ANLN: variants seen among roughly 807,000 people sequenced by gnomAD.
The protein encoded by ANLN is anillin, actin binding protein.
A neutral mutation model predicts 135.1 loss-of-function variants in ANLN; 59 were observed. The observed-to-expected ratio is 0.44, with a 90% confidence interval of 0.35 to 0.54. The LOEUF (loss-of-function observed/expected upper bound fraction) is 0.54. ANLN is among the 20% of genes least tolerant of loss of function. ANLN has a pLI of 0.00. For synonymous variants in ANLN, 406 were observed against 456.4 expected (o/e 0.89, Z 1.41); for missense variants, 1,182 against 1,340.0 (o/e 0.88, Z 1.84).
rs1787779587 is a variant in ANLN, at chr7:36,419,422, C to G, written c.1812C>G (p.Ile604Met). 1 of 1,614,146 alleles carries G rather than the reference C, an allele frequency of 6.2e-7. No individual in the cohort carries two copies. Residue 604 changes from isoleucine to methionine, a missense_variant, in exon 10 of 24, where the codon ATC becomes ATG. Physicochemically the swap from Ile to Met is conservative, Grantham distance 10. Around this residue, in one of 3 missense-constraint regions of ANLN, gnomAD observed 1,022 missense variants for 1,134.0 expected, o/e 0.90. Transcript: ENST00000265748. Reference protein sequence around the residue: ...SSEEQEDALNISSMSLLAPLA... With the variant: ...SSEEQEDALNMSSMSLLAPLA... ...AAGAACAGGAAGATGCACTGAATAT[C>G]TCCTCAATGTCTTTACTTGCACCAT... is the stretch of plus-strand genomic sequence containing the variant.
At chr7:36,414,559 A>G (rs1027032201) in intron 7 of ANLN, among the ~76,000 whole-genome samples, 1 of 152,140 alleles carries the variant, frequency 6.6e-6, no homozygotes, top group Non-Finnish European at 1.5e-5. Context: ...GGAAGGTGAC[A>G]GGGGAAATAC....
In ANLN at chr7:36,443,858, G is replaced by A. The variant is rs544165747; in HGVS notation, c.3074G>A (p.Arg1025His). The A allele has an allele frequency of 1.3e-5, 21 of 1,599,254 alleles. No homozygotes were observed. The highest frequency in any genetic ancestry group is 5.1e-5 in the Admixed American group (3 of 58,910). Reference sequence around the variant, plus strand: ...TGGACTTATCCAGATGATGAGAAACGCAAGGTAATTTATATAGTACTGTTT... The same window carrying A: ...TGGACTTATCCAGATGATGAGAAACACAAGGTAATTTATATAGTACTGTTT... The part of the protein sequence containing the change: ...SYWTYPDDEK[R>H]KNPIGRINLA... Residue 1025 changes from arginine (R) to histidine (H), a missense_variant, in exon 22 of 24, where the codon CGC (arginine) becomes CAC (histidine). Around this residue, in one of 3 missense-constraint regions of ANLN, gnomAD observed 82 missense variants for 133.3 expected, o/e 0.62. Coordinates refer to ENST00000265748, the MANE Select transcript of ANLN (RefSeq NM_018685.5).
chr7:36,422,341 A>T (rs1355821764), intron 13 of ANLN, among the ~76,000 whole-genome samples: 1 of 151,652 alleles, frequency 6.6e-6, no homozygotes, highest in Non-Finnish European at 1.5e-5. Context: ...AGCTAAAACA[A>T]CTTCTGTGAA....
rs1788101327 is a variant in ANLN at position 36,426,901 on chromosome 7, C to T, written c.2771-15C>T. 1 of 1,531,670 alleles carries T rather than the reference C, an allele frequency of 6.5e-7. No homozygotes were observed. Among genetic ancestry groups the T allele is most frequent in the Non-Finnish European group, 8.8e-7 (1 of 1,130,446 alleles). 94.9% of individuals were successfully genotyped at this position (1,531,670 alleles called of 1,614,324 possible). On this transcript the variant is annotated splice_polypyrimidine_tract_variant and intron_variant, in intron 19 of 23. Coordinates refer to ENST00000265748, the MANE Select transcript of ANLN (RefSeq NM_018685.5). ...AGTCATTCTGAACTAAACTTAATTT[C>T]CTCGTTCTTCACAGTCATGGCCAGT... is the stretch of plus-strand genomic sequence containing the variant.
intron 13 of ANLN, 28 bp downstream of exon 13, chr7:36,422,020 C>T (rs1562804128): frequency 6.3e-7 from 1 of 1,593,058 alleles, no homozygotes; most frequent in Non-Finnish European, 8.5e-7. Context: ...GAAAGAGTTC[C>T]AACAAATTTC....
intron 20 of ANLN, among the ~76,000 whole-genome samples, chr7:36,437,281 T>G (rs1377628079): frequency 6.6e-6 from 1 of 152,220 alleles, no homozygotes; most frequent in Non-Finnish European, 1.5e-5. Flanking sequence ...AGTGGAGTCG[T>G]GTAGTGTTTG....
Position 36,389,903 on chromosome 7 carries a change from T to C in ANLN, c.-124T>C, listed in dbSNP as rs959017820. ...GCCGAGAGGAGAGGACAGCTGGTTG[T>C]GGGAGAGTTCCCCCGCCTCAGACTC... is the stretch of plus-strand genomic sequence containing the variant. On this transcript the variant is annotated 5_prime_UTR_variant, in exon 1 of 24. Transcript: ENST00000265748. The C allele has an allele frequency of 4.4e-5, 69 of 1,565,958 alleles. No homozygotes were observed. In the African/African-American group the frequency reaches 7.0e-4, roughly 16 times the overall value.
At chr7:36,444,752 GTATAATA>G (rs1345155810) in intron 22 of ANLN, among the ~76,000 whole-genome samples, 2 of 151,870 alleles carry the variant, frequency 1.3e-5, no homozygotes, top group African/African-American at 4.8e-5. Context: ...CTTTTAAAAT[GTATAATA>G]TATAATAATT....
Position 36,427,000 on chromosome 7 carries a change from T to A in ANLN, c.2855T>A (p.Val952Glu), listed in dbSNP as rs915380550. ...VGSYTLSLSS[V>E]GNTKFVLDKV... ...TCTTACACATTATCATTGTCTTCAG[T>A]AGGAAATACTAAGTTTGTTCTGGAC... The change falls in exon 20 of 24, where the codon GTA becomes GAA. Residue 952 changes from valine to glutamate, a missense_variant. Coordinates refer to ENST00000265748, the MANE Select transcript of ANLN (RefSeq NM_018685.5). The A allele has an allele frequency of 5.6e-6, 9 of 1,611,302 alleles. No individual in the cohort carries two copies. Among genetic ancestry groups the A allele is most frequent in the Middle Eastern group, 1.6e-4 (1 of 6,080 alleles).
chr7:36,419,911 T>C (rs943495445), intron 10 of ANLN, among the ~76,000 whole-genome samples: 39 of 152,212 alleles, frequency 2.6e-4, no homozygotes, highest in African/African-American at 8.9e-4. Context: ...TGTTATTAGC[T>C]TTCACCCTCA....
At chr7:36,411,259 T>A (rs1787402103) in intron 7 of ANLN, 93 bp downstream of exon 7, 4 of 1,005,120 alleles carry the variant, frequency 4.0e-6, no homozygotes, top group Non-Finnish European at 5.6e-6. Flanking sequence ...TCTTTACACA[T>A]TTTTCTTTTC....
At chr7:36,427,091 A>G (rs1788111151) in intron 20 of ANLN, 63 bp downstream of exon 20, 4 of 1,013,642 alleles carry the variant, frequency 3.9e-6, no homozygotes, top group East Asian at 2.5e-5. Context: ...AATTAGCTCA[A>G]TGGAAATGCC....
intron 1 of ANLN, 100 bp downstream of exon 1, chr7:36,390,144 G>C: frequency 6.3e-7 from 1 of 1,588,356 alleles, no homozygotes; most frequent in Non-Finnish European, 8.6e-7. Flanking sequence ...CGGGCGGAGG[G>C]CGCGTGTGTG....
intron 23 of ANLN, among the ~76,000 whole-genome samples, chr7:36,450,945 A>G (rs768403453): frequency 6.6e-6 from 1 of 152,180 alleles, no homozygotes; most frequent in Non-Finnish European, 1.5e-5. Context: ...CCCCTGTGAT[A>G]AAAATAGCAG....
chr7:36,404,873 C>T (rs1385501096), intron 3 of ANLN, among the ~76,000 whole-genome samples: 1 of 152,174 alleles, frequency 6.6e-6, no homozygotes, highest in Non-Finnish European at 1.5e-5. Flanking sequence ...TCAGATGGTG[C>T]AAGATTCATA....
intron 23 of ANLN, 95 bp from the exon 24 acceptor site, chr7:36,452,382 G>A (rs1267571065): frequency 4.6e-6 from 7 of 1,510,308 alleles, no homozygotes; most frequent in Admixed American, 1.8e-5. Flanking sequence ...TTCATTTACT[G>A]GTTTATTTAG....
At chr7:36,430,828 C>T (rs1788282617) in intron 20 of ANLN, among the ~76,000 whole-genome samples, 1 of 152,140 alleles carries the variant, frequency 6.6e-6, no homozygotes, top group Non-Finnish European at 1.5e-5. Flanking sequence ...TATTTTACAG[C>T]TCTTAACATA....
rs749485495 is a variant in ANLN at position 36,410,542 on chromosome 7, A to G, written c.1125A>G (p.Glu375=). 14 of 1,611,344 alleles carry G rather than the reference A, an allele frequency of 8.7e-6. No homozygotes were observed. In the African/African-American group the frequency reaches 1.9e-4, roughly 22 times the overall value. ...PGGTGIKPFL[E]RFGERCQEHS... is the part of the protein sequence containing the mutation. ...GAACAGGAATTAAGCCTTTCCTGGA[A>G]CGCTTTGGAGAGCGTTGTCAAGAAC... The change falls in exon 6 of 24, where the codon GAA becomes GAG. Residue 375 remains glutamate (E), a synonymous_variant. Transcript: ENST00000265748.
chr7:36,452,399 T>G, intron 23 of ANLN, 78 bp from the exon 24 acceptor site: 2 of 1,572,836 alleles, frequency 1.3e-6, no homozygotes, highest in Non-Finnish European at 1.7e-6. Context: ...TTAGTCATTT[T>G]TTTCCCTAGC....
Sources: allele counts gnomAD v4.1 joint callset (sites outside exome capture counted in the v4.1 genomes callset), GRCh38; gene constraint gnomAD v4.1.1; regional missense constraint gnomAD v4.1.1; transcripts MANE v1.5; gene names NCBI Gene and HGNC (gene_info 2026-07-23, HGNC 2026-07-21).